CPM: variants seen among roughly 807,000 people sequenced by gnomAD.
CPM encodes carboxypeptidase M, also known as renal carboxypeptidase.
Under a neutral mutation model 46.4 loss-of-function variants are expected in CPM, and 35 were observed. That is an observed-to-expected ratio of 0.75 (90% CI 0.58 to 1.00). CPM has a LOEUF of 1.00. Ranked by LOEUF, CPM falls within the 50% of genes least tolerant of loss-of-function variation. The pLI is 0.00. For missense variants in CPM, 422 were observed against 530.4 expected (o/e 0.80, Z 2.01); for synonymous variants, 195 against 195.3 (o/e 1.00, Z 0.01).
At chr12:68,865,603 AACACCCACAC>A (rs919825784) in intron 7 of CPM, among the ~76,000 whole-genome samples, 22 of 151,780 alleles carry the variant, frequency 1.4e-4, no homozygotes, top group African/African-American at 4.6e-4. Flanking sequence ...AAACCTTTTC[AACACCCACAC>A]ACACCCACAC....
In CPM at chr12:68,857,044, C is replaced by T. The variant is rs547444398; in HGVS notation, c.1090-365G>A. Among the ~76,000 whole-genome samples, 6 of 152,344 alleles carry T rather than the reference C, an allele frequency of 3.9e-5. No individual in the cohort carries two copies. In the East Asian group the frequency reaches 9.6e-4, roughly 24 times the overall value. ...TTGTCCCAAGTGTGTATTTAACATC[C>T]TCCTTGGATATCAAGATTATTTTCA... is the stretch of plus-strand genomic sequence containing the variant. On this transcript the variant is annotated intron_variant, in intron 8 of 8. Coordinates refer to ENST00000551568, the MANE Select transcript of CPM (RefSeq NM_198320.5).
chr12:68,881,986 T>C (rs1886208748), intron 3 of CPM, among the ~76,000 whole-genome samples: 2 of 150,950 alleles, frequency 1.3e-5, no homozygotes, highest in African/African-American at 4.9e-5. Flanking sequence ...CCTCCCAAAA[T>C]GCTGGGATTA....
intron 5 of CPM, 74 bp downstream of exon 5, chr12:68,870,141 C>T (rs942429032): frequency 2.8e-6 from 4 of 1,425,388 alleles, no homozygotes; most frequent in Non-Finnish European, 3.8e-6. Context: ...GAGAGCTGAT[C>T]CCCATCCAGA....
chr12:68,950,403 A>T (rs1888915555), intron 1 of CPM, among the ~76,000 whole-genome samples: 1 of 152,200 alleles, frequency 6.6e-6, no homozygotes, highest in Non-Finnish European at 1.5e-5. Flanking sequence ...TTGTAACAGT[A>T]AAGCAAGTAG....
chr12:68,865,030 G>A (rs1565768646), intron 7 of CPM, among the ~76,000 whole-genome samples: 1 of 152,026 alleles, frequency 6.6e-6, no homozygotes, highest in East Asian at 1.9e-4. Context: ...TGATGATAAT[G>A]ATAATAATAG....
At chr12:68,928,232 C>T (rs900608228) in intron 2 of CPM, among the ~76,000 whole-genome samples, 2 of 152,180 alleles carry the variant, frequency 1.3e-5, no homozygotes, top group Non-Finnish European at 2.9e-5. Flanking sequence ...CTACAACTAT[C>T]TGATCTTTGA....
chr12:68,932,294 A>C (rs376813847), intron 2 of CPM, among the ~76,000 whole-genome samples: 1 of 152,258 alleles, frequency 6.6e-6, no homozygotes, highest in Non-Finnish European at 1.5e-5. Context: ...TGACATTAAC[A>C]GTCCAAGTCA....
chr12:68,956,068 G>A (rs997488198), intron 1 of CPM, among the ~76,000 whole-genome samples: 2 of 152,152 alleles, frequency 1.3e-5, no homozygotes, highest in Admixed American at 1.3e-4. Context: ...TTCCTGCTAA[G>A]GGGCTCCTGC....
chr12:68,938,031 A>C (rs113208552), upstream of CPM, among the ~76,000 whole-genome samples: 2,415 of 152,290 alleles, frequency 0.016, 62 homozygotes, highest in African/African-American at 0.055. Flanking sequence ...GGTTCTGTTT[A>C]AGGACTCTGA....
At chr12:68,885,248 T>C (rs1886379010) in intron 3 of CPM, among the ~76,000 whole-genome samples, 1 of 152,112 alleles carries the variant, frequency 6.6e-6, no homozygotes, top group Non-Finnish European at 1.5e-5. Context: ...CCCAGCCAAG[T>C]GTTTGTTGAA....
At chr12:68,949,842 C>G (rs532339369) in intron 1 of CPM, among the ~76,000 whole-genome samples, 1 of 152,318 alleles carries the variant, frequency 6.6e-6, no homozygotes, top group East Asian at 1.9e-4. Flanking sequence ...CCTGGTTTCT[C>G]TCATTTCATA....
intron 3 of CPM, among the ~76,000 whole-genome samples, chr12:68,885,269 G>A (rs575714707): frequency 6.6e-6 from 1 of 152,164 alleles, no homozygotes; most frequent in East Asian, 1.9e-4. Context: ...TGGTGAGTAG[G>A]AGAGAATCAT....
chr12:68,953,838 G>A (rs1888972916), intron 1 of CPM, among the ~76,000 whole-genome samples: 1 of 152,202 alleles, frequency 6.6e-6, no homozygotes. Flanking sequence ...TGAAATAAAA[G>A]TCTGTCACAA....
At chr12:68,867,598 A>G (rs546341473) in intron 6 of CPM, among the ~76,000 whole-genome samples, 1 of 152,320 alleles carries the variant, frequency 6.6e-6, no homozygotes, top group South Asian at 2.1e-4. Flanking sequence ...AAACATGATC[A>G]CAGATGTTAA....
intron 2 of CPM, among the ~76,000 whole-genome samples, chr12:68,915,765 A>C (rs1024333298): frequency 6.6e-6 from 1 of 152,254 alleles, no homozygotes; most frequent in African/African-American, 2.4e-5. Context: ...ATATTTGTTG[A>C]ATGAATACAT....
At chr12:68,962,117 G>A (rs1013491160) in intron 1 of CPM, among the ~76,000 whole-genome samples, 7 of 151,220 alleles carry the variant, frequency 4.6e-5, no homozygotes, top group African/African-American at 1.5e-4. Flanking sequence ...GGAGAATGGC[G>A]TGAACCTGGG....
chr12:68,920,358 C>T (rs555779925), intron 2 of CPM, among the ~76,000 whole-genome samples: 49 of 152,322 alleles, frequency 3.2e-4, no homozygotes, highest in Admixed American at 5.2e-4. Flanking sequence ...AATGACCCTA[C>T]GCTTCCCACA....
chr12:68,898,001 G>C (rs1049530887), intron 2 of CPM, among the ~76,000 whole-genome samples: 1 of 151,272 alleles, frequency 6.6e-6, no homozygotes, highest in East Asian at 2.0e-4. Flanking sequence ...GGACCACTAC[G>C]CCTGGCTAAT....
intron 2 of CPM, among the ~76,000 whole-genome samples, chr12:68,898,845 C>T (rs191105119): frequency 1.9e-4 from 29 of 152,292 alleles, no homozygotes; most frequent in Admixed American, 6.5e-4. Flanking sequence ...ATGGGATTAA[C>T]GGTACTTACC....
Sources: gnomAD v4.1 joint callset for allele counts (sites outside exome capture counted in the v4.1 genomes callset) on GRCh38, gnomAD v4.1.1 for gene constraint, MANE v1.5 for transcripts, NCBI Gene and HGNC (gene_info 2026-07-23, HGNC 2026-07-21) for gene names.